The following SGCZ variants were observed in gnomAD, a reference collection of about 807,000 sequenced individuals.
The protein encoded by SGCZ is zeta-sarcoglycan.
A neutral mutation model predicts 41.3 loss-of-function variants in SGCZ; 40 were observed. That is an observed-to-expected ratio of 0.97 (90% CI 0.75 to 1.26). The LOEUF is 1.26. SGCZ is among the 50% of genes most tolerant of loss of function. SGCZ has a pLI of 0.00. For synonymous variants in SGCZ, 206 were observed against 137.5 expected (o/e 1.50, Z -3.49); for missense variants, 552 against 369.8 (o/e 1.49, Z -4.04).
intron 1 of SGCZ, among the ~76,000 whole-genome samples, chr8:15,199,026 A>C (rs972351243): frequency 3.3e-5 from 5 of 152,214 alleles, no homozygotes; most frequent in African/African-American, 1.2e-4. Context: ...TGAGAGTATT[A>C]ATACAGTGAT....
At chr8:14,477,694 T>C (rs1170177140) in intron 2 of SGCZ, among the ~76,000 whole-genome samples, 22 of 152,180 alleles carry the variant, frequency 1.4e-4, no homozygotes, top group Admixed American at 1.4e-3. Flanking sequence ...TTTTTTGAAG[T>C]GTTCTGCTTT....
At chr8:14,482,950 C>T (rs992837919) in intron 2 of SGCZ, among the ~76,000 whole-genome samples, 2 of 152,166 alleles carry the variant, frequency 1.3e-5, no homozygotes, top group Admixed American at 6.5e-5. Context: ...TCCCTAACTC[C>T]GTAAACACGT....
chr8:14,289,887 G>A (rs973143103), intron 3 of SGCZ, among the ~76,000 whole-genome samples: 1 of 151,790 alleles, frequency 6.6e-6, no homozygotes. Context: ...AGCTGGGGAG[G>A]CCTCTGTAAA....
At chr8:15,188,810 T>C in intron 1 of SGCZ, among the ~76,000 whole-genome samples, 1 of 151,942 alleles carries the variant, frequency 6.6e-6, no homozygotes. Flanking sequence ...GAGATGTTGA[T>C]TTGAGAATAA....
chr8:14,523,697 G>A (rs1802856763), intron 2 of SGCZ, among the ~76,000 whole-genome samples: 1 of 151,992 alleles, frequency 6.6e-6, no homozygotes, highest in South Asian at 2.1e-4. Flanking sequence ...TGTTGAATAT[G>A]TAAGTATATG....
At chr8:14,723,537 T>G (rs1809957029) in intron 1 of SGCZ, among the ~76,000 whole-genome samples, 1 of 152,132 alleles carries the variant, frequency 6.6e-6, no homozygotes, top group South Asian at 2.1e-4. Context: ...AGCCTGGCCA[T>G]AGGTGCCCAT....
chr8:14,730,057 G>T (rs1810185332), intron 1 of SGCZ, among the ~76,000 whole-genome samples: 1 of 152,150 alleles, frequency 6.6e-6, no homozygotes. Context: ...GGGCACTAGA[G>T]CCTGGGTGAC....
At chr8:14,819,467 T>C (rs1324864800) in intron 1 of SGCZ, among the ~76,000 whole-genome samples, 1 of 152,152 alleles carries the variant, frequency 6.6e-6, no homozygotes, top group Admixed American at 6.6e-5. Context: ...AAGACTGGCC[T>C]TATAGGGAAC....
intron 3 of SGCZ, among the ~76,000 whole-genome samples, chr8:14,317,894 T>C (rs1462296060): frequency 6.6e-6 from 1 of 151,998 alleles, no homozygotes; most frequent in Admixed American, 6.6e-5. Context: ...GATTATTAAG[T>C]TTATTTTGAA....
At chr8:14,385,950 T>A (rs187273571) in intron 2 of SGCZ, among the ~76,000 whole-genome samples, 28 of 152,292 alleles carry the variant, frequency 1.8e-4, no homozygotes, top group African/African-American at 4.8e-5. Flanking sequence ...CTTTAAATCA[T>A]CTCTAGATTA....
chr8:14,120,811 T>G (rs1159733470), intron 5 of SGCZ, among the ~76,000 whole-genome samples: 1 of 152,248 alleles, frequency 6.6e-6, no homozygotes, highest in Non-Finnish European at 1.5e-5. Context: ...AAGTATAACA[T>G]AACCATATGT....
intron 1 of SGCZ, among the ~76,000 whole-genome samples, chr8:15,024,097 T>C (rs1195330536): frequency 6.6e-6 from 1 of 152,220 alleles, no homozygotes; most frequent in Non-Finnish European, 1.5e-5. Context: ...AATTGGTATG[T>C]TATTCACAGT....
intron 1 of SGCZ, among the ~76,000 whole-genome samples, chr8:15,154,605 A>G (rs185817712): frequency 6.6e-6 from 1 of 152,348 alleles, no homozygotes; most frequent in African/African-American, 2.4e-5. Context: ...GAATGCCACC[A>G]TATGCTCTGA....
intron 5 of SGCZ, among the ~76,000 whole-genome samples, chr8:14,159,312 C>T (rs1272571883): frequency 6.6e-6 from 1 of 151,970 alleles, no homozygotes; most frequent in Non-Finnish European, 1.5e-5. Context: ...CCCATTTCAC[C>T]TGTTATTTAA....
At chr8:14,721,654 T>G (rs1285281428) in intron 1 of SGCZ, among the ~76,000 whole-genome samples, 1 of 152,206 alleles carries the variant, frequency 6.6e-6, no homozygotes, top group Non-Finnish European at 1.5e-5. Context: ...GTTTTATAAT[T>G]TGTCACCCTA....
chr8:14,878,247 A>G (rs1381587155), intron 1 of SGCZ, among the ~76,000 whole-genome samples: 1 of 151,438 alleles, frequency 6.6e-6, no homozygotes, highest in East Asian at 1.9e-4. Flanking sequence ...TTAAAAGACA[A>G]TTCGACACTT....
At chr8:15,128,744 A>G (rs1221553105) in intron 1 of SGCZ, among the ~76,000 whole-genome samples, 2 of 152,184 alleles carry the variant, frequency 1.3e-5, no homozygotes, top group Non-Finnish European at 2.9e-5. Flanking sequence ...ACCTATGACA[A>G]GGCCACAACA....
intron 1 of SGCZ, among the ~76,000 whole-genome samples, chr8:14,604,814 T>C (rs1805697265): frequency 6.6e-6 from 1 of 152,204 alleles, no homozygotes; most frequent in Non-Finnish European, 1.5e-5. Flanking sequence ...TTCAAGTCAC[T>C]GTTAGACACC....
intron 1 of SGCZ, among the ~76,000 whole-genome samples, chr8:14,702,868 GATAGA>G (rs1563213166): frequency 7.4e-6 from 1 of 135,744 alleles, no homozygotes; most frequent in African/African-American, 2.8e-5. Flanking sequence ...TAGATAGATA[GATAGA>G]TAGATAGATA....
Sources: gnomAD v4.1 joint callset for allele counts (sites outside exome capture counted in the v4.1 genomes callset) on GRCh38, gnomAD v4.1.1 for gene constraint, MANE v1.5 for transcripts, NCBI Gene and HGNC (gene_info 2026-07-23, HGNC 2026-07-21) for gene names.